The following CTNNA3 variants were observed in gnomAD, a reference collection of about 807,000 sequenced individuals.
The protein encoded by CTNNA3 is catenin alpha 3, also known as catenin alpha-3.
CTNNA3 carries 76 observed loss-of-function variants against 95.7 expected under a neutral mutation model. The ratio of observed to expected loss-of-function variants is 0.79; its 90% confidence interval spans 0.66 to 0.96. CTNNA3 has a LOEUF of 0.96. Among genes scored for constraint, CTNNA3 ranks in the 40% least tolerant of loss-of-function variants. The pLI is 0.00. For missense variants in CTNNA3, 1,191 were observed against 1,089.8 expected (o/e 1.09, Z -1.31); for synonymous variants, 431 against 374.4 (o/e 1.15, Z -1.74).
At chr10:66,525,216 A>G (rs1186716955) in intron 10 of CTNNA3, among the ~76,000 whole-genome samples, 1 of 151,606 alleles carries the variant, frequency 6.6e-6, no homozygotes, top group East Asian at 1.9e-4. Context: ...TAAAAGAAAA[A>G]AAAAGAACTA....
At chr10:66,594,947 G>A (rs1843662829) in intron 10 of CTNNA3, among the ~76,000 whole-genome samples, 1 of 152,034 alleles carries the variant, frequency 6.6e-6, no homozygotes, top group Non-Finnish European at 1.5e-5. Context: ...ATTTATAACT[G>A]CATCTGGCAC....
At chr10:67,700,133 G>A (rs1189211967), upstream of CTNNA3, among the ~76,000 whole-genome samples, 4 of 152,182 alleles carry the variant, frequency 2.6e-5, no homozygotes, top group Non-Finnish European at 4.4e-5. Flanking sequence ...GCTCGAAATG[G>A]GTGGAGCCCA....
chr10:66,640,257 G>C (rs967784654), intron 9 of CTNNA3, among the ~76,000 whole-genome samples: 4 of 152,046 alleles, frequency 2.6e-5, no homozygotes, highest in African/African-American at 9.7e-5. Context: ...AGCTGCTGGG[G>C]ATAACTGCTA....
chr10:67,175,758 CA>C (rs1862212913), intron 7 of CTNNA3, among the ~76,000 whole-genome samples: 1 of 152,130 alleles, frequency 6.6e-6, no homozygotes, highest in Non-Finnish European at 1.5e-5. Context: ...CCAACTACAA[CA>C]ATATGATTTC....
chr10:66,526,251 T>C (rs1402797973), intron 10 of CTNNA3, among the ~76,000 whole-genome samples: 3 of 152,076 alleles, frequency 2.0e-5, no homozygotes, highest in Non-Finnish European at 4.4e-5. Context: ...AGCGGCTCAA[T>C]CTCAGCTCAC....
At chr10:66,015,468 C>A (rs1315484483) in intron 15 of CTNNA3, among the ~76,000 whole-genome samples, 1 of 152,180 alleles carries the variant, frequency 6.6e-6, no homozygotes, top group Non-Finnish European at 1.5e-5. Flanking sequence ...CCCCACACTC[C>A]TTCATTTATG....
chr10:66,488,758 T>C (rs1839821763), intron 11 of CTNNA3, among the ~76,000 whole-genome samples: 1 of 152,148 alleles, frequency 6.6e-6, no homozygotes, highest in Admixed American at 6.5e-5. Flanking sequence ...AGAGGTCATA[T>C]GAAACATCAT....
chr10:66,608,842 G>A (rs1844226457), intron 10 of CTNNA3, among the ~76,000 whole-genome samples: 1 of 152,044 alleles, frequency 6.6e-6, no homozygotes, highest in African/African-American at 2.4e-5. Context: ...AACCCTGGAA[G>A]ACAACCTAGG....
At chr10:66,326,368 G>T (rs1319728044) in intron 12 of CTNNA3, among the ~76,000 whole-genome samples, 1 of 151,948 alleles carries the variant, frequency 6.6e-6, no homozygotes, top group Admixed American at 6.6e-5. Flanking sequence ...TCGACATTTG[G>T]CACAGGTAGT....
At chr10:66,993,619 T>G (rs1373579462) in intron 7 of CTNNA3, among the ~76,000 whole-genome samples, 1 of 151,802 alleles carries the variant, frequency 6.6e-6, no homozygotes, top group Non-Finnish European at 1.5e-5. Context: ...GATTTTTGAG[T>G]GAACTTTCAG....
In CTNNA3 at chr10:66,963,843, CA is replaced by C. The variant is rs201131147; in HGVS notation, c.1048-188320del. 5.6e-4 allele frequency among the ~76,000 whole-genome samples: 54 copies of C among 96,272 alleles called. No individual in the cohort carries two copies. In the East Asian group the frequency reaches 0.033, roughly 59 times the overall value. 63.2% of individuals were successfully genotyped at this position (96,272 alleles called of 152,430 possible). On this transcript the variant is annotated intron_variant, in intron 7 of 17. Transcript: ENST00000433211. ...TGTTGTTTTATCAGTGCATAGACAT[CA>C]ATTTTTTTTTTTTTTTTAAGATGGA...
At chr10:67,176,566 T>C (rs1013631181) in intron 7 of CTNNA3, among the ~76,000 whole-genome samples, 1 of 152,160 alleles carries the variant, frequency 6.6e-6, no homozygotes, top group African/African-American at 2.4e-5. Flanking sequence ...ATTGATATAA[T>C]GTTGTGAGTC....
At chr10:67,277,593 A>G (rs1021721257) in intron 5 of CTNNA3, among the ~76,000 whole-genome samples, 3 of 152,108 alleles carry the variant, frequency 2.0e-5, no homozygotes, top group Non-Finnish European at 4.4e-5. Context: ...AGGCATTCCT[A>G]GTCACAGGAT....
At chr10:67,217,096 T>C (rs1248607173) in intron 6 of CTNNA3, among the ~76,000 whole-genome samples, 1 of 152,238 alleles carries the variant, frequency 6.6e-6, no homozygotes, top group African/African-American at 2.4e-5. Context: ...GGTTGTTGAG[T>C]AAGCACTCTG....
intron 17 of CTNNA3, among the ~76,000 whole-genome samples, chr10:65,927,440 C>T (rs1245552486): frequency 6.6e-6 from 1 of 152,142 alleles, no homozygotes; most frequent in Admixed American, 6.6e-5. Context: ...TTTCCTTAAG[C>T]CTATTATCAG....
chr10:66,703,966 TTCTTA>T (rs1241591029), intron 9 of CTNNA3, among the ~76,000 whole-genome samples: 5 of 152,158 alleles, frequency 3.3e-5, no homozygotes, highest in South Asian at 2.1e-4. Context: ...ATCATAGTTT[TTCTTA>T]ATTTTCTGCA....
At position 65,914,015 on chromosome 10, in the gene CTNNA3, A is replaced by T. The variant is rs1436329143; in HGVS notation, c.*6315T>A. ...GTATAAGGAAGTGTCACAGACCTCC[A>T]ACACCAAATAACCAGAACTAAAAAT... On this transcript the variant is annotated 3_prime_UTR_variant, in exon 18 of 18. Transcript: ENST00000433211. The T allele has an allele frequency of 6.6e-6, 1 of 152,198 alleles. No homozygotes were observed. Among genetic ancestry groups the T allele is most frequent in the African/African-American group, 2.4e-5 (1 of 41,452 alleles). 9.4% of individuals were successfully genotyped at this position (152,198 alleles called of 1,614,324 possible). A position where few individuals can be genotyped will look rare whatever the true frequency, so the allele number is the denominator to read the frequency against.
intron 13 of CTNNA3, among the ~76,000 whole-genome samples, chr10:66,120,140 G>T (rs750196055): frequency 6.6e-6 from 1 of 152,240 alleles, no homozygotes; most frequent in Admixed American, 6.5e-5. Context: ...TAAGATGGTA[G>T]TGTAGAAGAT....
intron 11 of CTNNA3, among the ~76,000 whole-genome samples, chr10:66,420,167 T>G (rs1589224142): frequency 6.6e-6 from 1 of 152,048 alleles, no homozygotes; most frequent in Non-Finnish European, 1.5e-5. Flanking sequence ...TATAAGATAC[T>G]CAAACAATTC....
Sources: allele counts gnomAD v4.1 joint callset (sites outside exome capture counted in the v4.1 genomes callset), GRCh38; gene constraint gnomAD v4.1.1; transcripts MANE v1.5; gene names NCBI Gene and HGNC (gene_info 2026-07-23, HGNC 2026-07-21).